ZFHX3: variants seen among roughly 807,000 people sequenced by gnomAD.
ZFHX3 encodes zinc finger homeobox 3.
Under a neutral mutation model 279.1 loss-of-function variants are expected in ZFHX3, and 42 were observed. The ratio of observed to expected loss-of-function variants is 0.15; its 90% CI spans 0.12 to 0.19. ZFHX3 has a LOEUF of 0.19. ZFHX3 is among the 10% of genes least tolerant of loss of function. The pLI is 1.00. For missense variants in ZFHX3, 4,981 were observed against 4,754.0 expected, an observed-to-expected ratio of 1.05 and a Z score of -1.40; for synonymous variants, 2,293 against 1,957.8, an observed-to-expected ratio of 1.17 and a Z score of -4.52.
intron 9 of ZFHX3, chr16:72,790,404 G>A (rs151211530): frequency 6.6e-6 from 1 of 152,246 alleles, no homozygotes; most frequent in African/African-American, 2.4e-5. Flanking sequence ...TCACCTGCTG[G>A]AAAGCTGGGG....
At chr16:72,972,522 C>T (rs1417166094) in intron 1 of ZFHX3, among the ~76,000 whole-genome samples, 1 of 152,174 alleles carries the variant, frequency 6.6e-6, no homozygotes, top group Non-Finnish European at 1.5e-5. Flanking sequence ...CTTTCTTGTG[C>T]AGTGGAACCA....
chr16:73,673,462 C>G (rs968486445), intron 2 of ZFHX3, among the ~76,000 whole-genome samples: 3 of 151,932 alleles, frequency 2.0e-5, no homozygotes, highest in Non-Finnish European at 4.4e-5. Context: ...GTTAAAGGAA[C>G]CTCATTCTCT....
chr16:73,570,284 T>G (rs2143804893), intron 2 of ZFHX3, among the ~76,000 whole-genome samples: 1 of 152,344 alleles, frequency 6.6e-6, no homozygotes, highest in South Asian at 2.1e-4. Flanking sequence ...TAATGGGTGC[T>G]TGTTTCTGCT....
chr16:73,874,000 T>C (rs2029880641), intron 1 of ZFHX3, among the ~76,000 whole-genome samples: 1 of 152,130 alleles, frequency 6.6e-6, no homozygotes, highest in South Asian at 2.1e-4. Context: ...AACAAAGGTA[T>C]TGCTACTGAA....
At chr16:73,630,767 G>A (rs1281551805) in intron 2 of ZFHX3, among the ~76,000 whole-genome samples, 1 of 152,216 alleles carries the variant, frequency 6.6e-6, no homozygotes, top group Non-Finnish European at 1.5e-5. Flanking sequence ...GGCAAAGCAT[G>A]GTGGTGCTCA....
chr16:73,481,156 C>T (rs1174916466), intron 2 of ZFHX3, among the ~76,000 whole-genome samples: 1 of 152,064 alleles, frequency 6.6e-6, no homozygotes, highest in African/African-American at 2.4e-5. Flanking sequence ...TGGAGAAACC[C>T]TGACTCTATT....
chr16:73,048,673 C>A (rs1965390214), upstream of ZFHX3, among the ~76,000 whole-genome samples: 1 of 152,266 alleles, frequency 6.6e-6, no homozygotes, highest in Admixed American at 6.5e-5. Context: ...CACGTCACAG[C>A]CAGGCCACTC....
At chr16:73,858,082 C>G (rs1036823122) in intron 1 of ZFHX3, among the ~76,000 whole-genome samples, 2 of 147,792 alleles carry the variant, frequency 1.4e-5, no homozygotes, top group African/African-American at 5.1e-5. Context: ...GGCAACAGAA[C>G]AAGATTCTGT....
intron 1 of ZFHX3, among the ~76,000 whole-genome samples, chr16:73,858,962 A>G (rs1384249884): frequency 1.3e-5 from 2 of 152,206 alleles, no homozygotes; most frequent in East Asian, 3.9e-4. Context: ...TTGTCCTTAC[A>G]TGATTTGTGC....
At chr16:73,619,506 A>ATG (rs2052337713) in intron 2 of ZFHX3, among the ~76,000 whole-genome samples, 1 of 148,676 alleles carries the variant, frequency 6.7e-6, no homozygotes, top group Non-Finnish European at 1.5e-5. Flanking sequence ...AAAATTATAT[A>ATG]TATATATATA....
chr16:73,703,448 G>C (rs1567556144), intron 1 of ZFHX3, among the ~76,000 whole-genome samples: 1 of 151,898 alleles, frequency 6.6e-6, no homozygotes, highest in African/African-American at 2.4e-5. Context: ...AAATAGGTTT[G>C]GTTGGTTCAA....
chr16:73,524,999 G>A (rs1445949043), intron 2 of ZFHX3, among the ~76,000 whole-genome samples: 1 of 152,118 alleles, frequency 6.6e-6, no homozygotes, highest in African/African-American at 2.4e-5. Flanking sequence ...CTCCAGGTTC[G>A]AGGTAGAGCT....
At chr16:73,668,451 A>T (rs1323603323) in intron 2 of ZFHX3, among the ~76,000 whole-genome samples, 1 of 151,934 alleles carries the variant, frequency 6.6e-6, no homozygotes, top group Non-Finnish European at 1.5e-5. Context: ...GCTATCCCTC[A>T]CCTAGCCCCC....
intron 1 of ZFHX3, among the ~76,000 whole-genome samples, chr16:73,887,463 T>C (rs1344976925): frequency 6.6e-6 from 1 of 152,192 alleles, no homozygotes; most frequent in Non-Finnish European, 1.5e-5. Flanking sequence ...GCTAACTGGA[T>C]GTCTGGTTTA....
chr16:73,532,634 C>T (rs1322964728), intron 2 of ZFHX3, among the ~76,000 whole-genome samples: 1 of 152,166 alleles, frequency 6.6e-6, no homozygotes, highest in African/African-American at 2.4e-5. Flanking sequence ...GGAGTGTAGC[C>T]TTAGTCAACT....
At chr16:72,882,430 A>G (rs979190003) in intron 4 of ZFHX3, among the ~76,000 whole-genome samples, 2 of 152,148 alleles carry the variant, frequency 1.3e-5, no homozygotes, top group African/African-American at 4.8e-5. Context: ...AAATAACGCA[A>G]CGAATGAATG....
In ZFHX3 at chr16:72,957,884, C is replaced by T; in HGVS notation, c.2262G>A (p.Met754Ile). ...CCCCCCCTCCATTCTGCAGGTTCTG[C>T]ATGTTGTTGAGATGCTTGTCAGACT... is the stretch of plus-strand genomic sequence containing the variant. ...HMQSDKHLNN[M>I]QNLQNGGGEQ... The change falls in exon 2 of 10, where the codon ATG (methionine) becomes ATA (isoleucine). Residue 754 changes from methionine to isoleucine, a missense_variant. By Grantham distance (10) the Met-to-Ile change is conservative (BLOSUM62 1). Transcript: ENST00000268489. The T allele has an allele frequency of 6.2e-7, 1 of 1,614,066 alleles. No homozygotes were observed. The highest frequency in any genetic ancestry group is 8.5e-7 in the Non-Finnish European group (1 of 1,180,036).
chr16:72,944,542 A>G (rs1421043813), intron 3 of ZFHX3, among the ~76,000 whole-genome samples: 1 of 151,876 alleles, frequency 6.6e-6, no homozygotes, highest in Non-Finnish European at 1.5e-5. Flanking sequence ...CAGGTATTAC[A>G]CAACGTCATT....
chr16:73,399,250 TG>T (rs1319116465), intron 3 of ZFHX3, among the ~76,000 whole-genome samples: 4 of 152,072 alleles, frequency 2.6e-5, no homozygotes, highest in South Asian at 4.1e-4. Flanking sequence ...TGGATTTTTG[TG>T]GAATTAATTT....
Sources: gnomAD v4.1 joint callset for allele counts (sites outside exome capture counted in the v4.1 genomes callset) on GRCh38, gnomAD v4.1.1 for gene constraint, MANE v1.5 for transcripts, NCBI Gene and HGNC (gene_info 2026-07-23, HGNC 2026-07-21) for gene names.